Variants in EDEM1 observed in about 807,000 individuals in gnomAD.
The protein encoded by EDEM1 is ER degradation-enhancing alpha-mannosidase-like protein 1.
In EDEM1, 67 loss-of-function variants were observed where a neutral mutation model predicts 74.4. That is an observed-to-expected ratio of 0.90 (90% CI 0.74 to 1.10). EDEM1 has a LOEUF of 1.10. EDEM1 is among the 50% of genes least tolerant of loss of function. The pLI, the probability that EDEM1 is intolerant of heterozygous loss-of-function variation, is 0.00. For missense variants in EDEM1, 926 were observed against 851.6 expected (o/e 1.09, Z -1.09); for synonymous variants, 382 against 335.9 (o/e 1.14, Z -1.50).
intron 10 of EDEM1, 131 bp from the exon 11 acceptor site, chr3:5,213,188 T>G: frequency 1.1e-6 from 1 of 874,852 alleles, no homozygotes; most frequent in Non-Finnish European, 1.7e-6. Flanking sequence ...CAATTCCTTT[T>G]CACCCAGTTG....
At chr3:5,190,929 A>G (rs1354289954) in intron 1 of EDEM1, among the ~76,000 whole-genome samples, 1 of 152,138 alleles carries the variant, frequency 6.6e-6, no homozygotes, top group Non-Finnish European at 1.5e-5. Flanking sequence ...GTATATATTT[A>G]TAGGGTACAT....
chr3:5,194,836 A>C (rs113783505), intron 1 of EDEM1, among the ~76,000 whole-genome samples: 1,966 of 152,328 alleles, frequency 0.013, 42 homozygotes, highest in African/African-American at 0.045. Flanking sequence ...GTCGTATGAC[A>C]AGGGCTCTTC....
chr3:5,208,641 C>T (rs1209505399), intron 8 of EDEM1, among the ~76,000 whole-genome samples: 2 of 151,964 alleles, frequency 1.3e-5, no homozygotes, highest in Non-Finnish European at 2.9e-5. Flanking sequence ...GAGCCCCGGT[C>T]TGTGTAACAA....
At chr3:5,188,399 G>C (rs2054856479) in intron 1 of EDEM1, 85 bp downstream of exon 1, 9 of 1,297,674 alleles carry the variant, frequency 6.9e-6, no homozygotes, top group Non-Finnish European at 8.8e-6. Context: ...TGTCCTCCGG[G>C]GCCCCCGAGG....
rs1261893409 is a variant in EDEM1 at position 5,217,872 on chromosome 3, A to G, written c.*1954A>G. On this transcript the variant is annotated 3_prime_UTR_variant, in exon 12 of 12. Transcript: ENST00000256497. ...GGGCAAACAGGTGGGACTGTTAGTG[A>G]CCCATTTGGGAAAATAGAGCATCTC... 2.0e-5 allele frequency: 3 copies of G among 152,178 alleles called. No homozygotes were observed. Among genetic ancestry groups the G allele is most frequent in the Admixed American group, 6.5e-5 (1 of 15,276 alleles). 9.4% of individuals were successfully genotyped at this position (152,178 alleles called of 1,614,324 possible).
chr3:5,199,762 C>T lies in EDEM1; in HGVS notation c.686+67C>T, dbSNP rs946471483. 6.0e-6 allele frequency: 8 copies of T among 1,340,064 alleles called. No individual in the cohort carries two copies. In the Admixed American group the frequency reaches 8.6e-5, roughly 14 times the overall value. 83.0% of individuals were successfully genotyped at this position (1,340,064 alleles called of 1,614,324 possible). The stretch of plus-strand genomic sequence containing the variant: ...TTTATGTGTTTAAAGAAAAAAATAC[C>T]TTTGAGGGTCTTTTTGCCACATGAT... On this transcript the variant is annotated intron_variant, in intron 3 of 11. Transcript: ENST00000256497.
At position 5,218,696 on chromosome 3, in the gene EDEM1, C is replaced by G. The variant is rs1406708458; in HGVS notation, c.*2778C>G. ...CAAAGCATAATTCTCTCATAACAAA[C>G]TTTCAAATCATTACAGTAGCTTAGC... On this transcript the variant is annotated 3_prime_UTR_variant, in exon 12 of 12. Transcript: ENST00000256497. 6 of 152,036 alleles carry G rather than the reference C, an allele frequency of 3.9e-5. No homozygotes were observed. Among genetic ancestry groups the G allele is most frequent in the Admixed American group, 1.3e-4 (2 of 15,272 alleles). The allele number at this position is 152,036 out of a possible 1,614,324, so 9.4% of individuals were successfully genotyped here.
chr3:5,216,063 G>T lies in EDEM1; in HGVS notation c.*145G>T. 1 of 628,056 alleles carries T rather than the reference G, an allele frequency of 1.6e-6. No homozygotes were observed. Among genetic ancestry groups the T allele is most frequent in the East Asian group, 2.8e-5 (1 of 35,618 alleles). The allele number at this position is 628,056 out of a possible 1,614,324, so 38.9% of individuals were successfully genotyped here. On this transcript the variant is annotated 3_prime_UTR_variant, in exon 12 of 12. Transcript: ENST00000256497. Reference sequence around the variant, plus strand: ...TTCTGTGCAACACCTCACCACGTCTGGTTAATCCTTGCACACTTCAGTGTT... The same window carrying T: ...TTCTGTGCAACACCTCACCACGTCTTGTTAATCCTTGCACACTTCAGTGTT...
At chr3:5,215,280 A>G (rs148771929) in intron 11 of EDEM1, among the ~76,000 whole-genome samples, 4 of 151,320 alleles carry the variant, frequency 2.6e-5, no homozygotes, top group African/African-American at 7.3e-5. Context: ...TGCTTTGAGG[A>G]AAAAAAGTGG....
Position 5,198,884 on chromosome 3 carries a change from G to C in EDEM1, c.583-708G>C, listed in dbSNP as rs147270456. ...AGTGGAATGAAATAATTTTGATTCA[G>C]GTTAATCTATAAAGTTTGATGCCCA... is the stretch of plus-strand genomic sequence containing the variant. On this transcript the variant is annotated intron_variant, in intron 2 of 11. Transcript: ENST00000256497. Among the ~76,000 whole-genome samples the C allele has an allele frequency of 1.4e-3, 209 of 152,200 alleles. 1 individual carries two copies. Among genetic ancestry groups the C allele is most frequent in the African/African-American group, 4.9e-3 (204 of 41,542 alleles).
intron 1 of EDEM1, among the ~76,000 whole-genome samples, chr3:5,192,732 A>T: frequency 6.6e-6 from 1 of 152,138 alleles, no homozygotes; most frequent in African/African-American, 2.4e-5. Context: ...GTAGAGTTTT[A>T]TGGTGTTTTT....
In EDEM1 at chr3:5,198,747, T is replaced by C. The variant is rs138271438; in HGVS notation, c.583-845T>C. Among the ~76,000 whole-genome samples the C allele has an allele frequency of 1.3e-3, 198 of 149,442 alleles. 1 individual carries two copies. Among genetic ancestry groups the C allele is most frequent in the African/African-American group, 4.7e-3 (193 of 40,746 alleles). On this transcript the variant is annotated intron_variant, in intron 2 of 11. Transcript: ENST00000256497. ...AGGCAGGTTTGCCTGATGCAGTTCC[T>C]AGCTTGACTTTTCCCTTTGGCTTAG...
chr3:5,212,749 C>G (rs1271972464), intron 10 of EDEM1, among the ~76,000 whole-genome samples: 4 of 152,216 alleles, frequency 2.6e-5, no homozygotes, highest in African/African-American at 9.7e-5. Flanking sequence ...GATGCTCTTT[C>G]GTTCCGTGTC....
chr3:5,207,955 G>A (rs2055118628), intron 7 of EDEM1, 138 bp from the exon 8 acceptor site: 4 of 991,162 alleles, frequency 4.0e-6, no homozygotes, highest in South Asian at 2.0e-5. Flanking sequence ...GTCACTTTTG[G>A]GTTGGTTTTG....
rs771446390 is a variant in EDEM1, at chr3:5,207,194, A to G, written c.1259A>G (p.Tyr420Cys). ...CNEGEGDPPL[Y>C]VNVNMFSGQL... Reference sequence around the variant, plus strand: ...GAAGGAGAAGGAGACCCTCCACTCTATGTCAACGTGAACATGTTCAGTGGG... The same window carrying G: ...GAAGGAGAAGGAGACCCTCCACTCTGTGTCAACGTGAACATGTTCAGTGGG... The change falls in exon 7 of 12, where the codon TAT becomes TGT. Residue 420 changes from tyrosine to cysteine, a missense_variant. By Grantham distance (194) the Tyr-to-Cys change is radical. Transcript: ENST00000256497. 2.7e-5 allele frequency: 43 copies of G among 1,613,840 alleles called. No individual in the cohort carries two copies. In the East Asian group the frequency reaches 4.7e-4, roughly 18 times the overall value.
intron 6 of EDEM1, among the ~76,000 whole-genome samples, chr3:5,206,868 G>C (rs137954300): frequency 1.3e-5 from 2 of 152,300 alleles, no homozygotes; most frequent in African/African-American, 4.8e-5. Flanking sequence ...TTATGTGGCA[G>C]GGCTCTTAAA....
chr3:5,197,890 G>C (rs193000085), intron 2 of EDEM1, among the ~76,000 whole-genome samples: 1 of 152,148 alleles, frequency 6.6e-6, no homozygotes, highest in Non-Finnish European at 1.5e-5. Context: ...GGCACAGCTT[G>C]GTTTTATACA....
At chr3:5,194,205 A>G (rs2054935527) in intron 1 of EDEM1, among the ~76,000 whole-genome samples, 1 of 152,212 alleles carries the variant, frequency 6.6e-6, no homozygotes, top group African/African-American at 2.4e-5. Context: ...TCTTGCTGGA[A>G]ATAAAACTGG....
chr3:5,193,189 T>C (rs1176280091), intron 1 of EDEM1, among the ~76,000 whole-genome samples: 2 of 152,042 alleles, frequency 1.3e-5, no homozygotes, highest in East Asian at 3.9e-4. Flanking sequence ...GGATGCTACA[T>C]GATGAGGGAG....
Sources: allele counts gnomAD v4.1 joint callset (sites outside exome capture counted in the v4.1 genomes callset), GRCh38; gene constraint gnomAD v4.1.1; transcripts MANE v1.5; gene names NCBI Gene and HGNC (gene_info 2026-07-23, HGNC 2026-07-21).